The following SNX29 variants were observed in gnomAD, a reference collection of about 807,000 sequenced individuals.
The protein encoded by SNX29 is sorting nexin 29.
Under a neutral mutation model 102.1 loss-of-function variants are expected in SNX29, and 78 were observed. The ratio of observed to expected loss-of-function variants is 0.76; its 90% CI spans 0.64 to 0.92. The LOEUF (loss-of-function observed/expected upper bound fraction) is 0.92, where lower values mean the gene tolerates loss of function less well. Ranked by LOEUF, SNX29 falls within the 40% of genes least tolerant of loss-of-function variation. The probability of loss-of-function intolerance (pLI) is 0.00; values close to 1 mark genes in which losing one functional copy is unlikely to be tolerated. For synonymous variants in SNX29, 580 were observed against 414.5 expected (o/e 1.40, Z -4.85); for missense variants, 1,280 against 1,061.7 (o/e 1.21, Z -2.86).
chr16:12,554,862 A>G (rs1008024901), intron 20 of SNX29, among the ~76,000 whole-genome samples: 1 of 152,184 alleles, frequency 6.6e-6, no homozygotes, highest in Non-Finnish European at 1.5e-5. Context: ...TGCTCAGGAA[A>G]GAGGACAAAG....
chr16:12,287,321 A>T (rs2079631626), intron 15 of SNX29, among the ~76,000 whole-genome samples: 1 of 152,222 alleles, frequency 6.6e-6, no homozygotes, highest in South Asian at 2.1e-4. Flanking sequence ...TCCTTCCCTA[A>T]GGAAGGTCTC....
chr16:12,499,084 T>TA (rs1486592041), intron 19 of SNX29, among the ~76,000 whole-genome samples: 13 of 152,144 alleles, frequency 8.5e-5, no homozygotes, highest in African/African-American at 2.4e-4. Flanking sequence ...TCCTTCCCCT[T>TA]ATGCCCTCCG....
At chr16:12,032,450 C>T (rs1259827778) in intron 4 of SNX29, among the ~76,000 whole-genome samples, 1 of 151,928 alleles carries the variant, frequency 6.6e-6, no homozygotes, top group Non-Finnish European at 1.5e-5. Flanking sequence ...TTGTGATCCA[C>T]CCACCTCGGC....
intron 13 of SNX29, among the ~76,000 whole-genome samples, chr16:12,195,666 G>A (rs925680513): frequency 5.3e-5 from 8 of 152,152 alleles, no homozygotes; most frequent in East Asian, 1.9e-4. Flanking sequence ...AAGGCCTTAC[G>A]TTTTCAATGT....
rs1324676870 is a variant in SNX29 at position 12,215,941 on chromosome 16, GCA to G, written c.1678+16261_1678+16262del. ...TGCTGGCCCATCAGGAGTGGTGCGT[GCA>G]CAGTTGTGGGGCCTTGCTTTGGTGG... On this transcript the variant is annotated intron_variant, in intron 14 of 20. Transcript: ENST00000566228. Among the ~76,000 whole-genome samples the G allele has an allele frequency of 2.0e-5, 3 of 152,184 alleles. No individual in the cohort carries two copies. In the East Asian group the frequency reaches 5.8e-4, roughly 29 times the overall value.
chr16:12,085,540 T>C (rs1186394927), intron 11 of SNX29, among the ~76,000 whole-genome samples: 2 of 152,198 alleles, frequency 1.3e-5, no homozygotes, highest in African/African-American at 4.8e-5. Flanking sequence ...TTGGCTAGGC[T>C]GGTCTCAAAC....
intron 18 of SNX29, among the ~76,000 whole-genome samples, chr16:12,434,807 A>G (rs1250691479): frequency 1.3e-5 from 2 of 152,010 alleles, no homozygotes; most frequent in Admixed American, 6.6e-5. Flanking sequence ...AAAGGCTAGA[A>G]CGGGGGGATG....
chr16:12,178,792 A>T (rs1033033267), intron 13 of SNX29, among the ~76,000 whole-genome samples: 2 of 152,286 alleles, frequency 1.3e-5, no homozygotes, highest in Non-Finnish European at 2.9e-5. Flanking sequence ...ACAGTTGTGC[A>T]TGTGTGACTT....
Position 12,490,799 on chromosome 16 carries a change from C to T in SNX29, c.2178+12940C>T, listed in dbSNP as rs189330088. On this transcript the variant is annotated intron_variant, in intron 19 of 20. Coordinates refer to ENST00000566228, the MANE Select transcript of SNX29 (RefSeq NM_032167.5). ...ATTATTAGGAAATGTTTCAGGTGTG[C>T]CCTGGAATACACAGGAAAATGTAAT... Among the ~76,000 whole-genome samples the T allele has an allele frequency of 3.3e-3, 497 of 152,330 alleles. 3 individuals are homozygous for T. Among genetic ancestry groups the T allele is most frequent in the Non-Finnish European group, 5.4e-3 (366 of 68,036 alleles).
At chr16:12,347,442 G>A (rs1028357052) in intron 15 of SNX29, among the ~76,000 whole-genome samples, 2 of 152,114 alleles carry the variant, frequency 1.3e-5, no homozygotes, top group African/African-American at 4.8e-5. Flanking sequence ...AGACTCCAAA[G>A]ATGGGAGATG....
At chr16:12,072,476 A>C (rs2051347223) in intron 10 of SNX29, among the ~76,000 whole-genome samples, 1 of 152,020 alleles carries the variant, frequency 6.6e-6, no homozygotes. Context: ...ACATTTATTG[A>C]TTTGTGTATG....
At chr16:12,554,837 C>A (rs1196138233) in intron 20 of SNX29, among the ~76,000 whole-genome samples, 4 of 152,152 alleles carry the variant, frequency 2.6e-5, no homozygotes, top group Non-Finnish European at 4.4e-5. Context: ...GCCATTCTTT[C>A]CGTAGGTGCC....
intron 11 of SNX29, among the ~76,000 whole-genome samples, chr16:12,102,346 TC>T (rs1300246069): frequency 6.6e-6 from 1 of 152,232 alleles, no homozygotes; most frequent in African/African-American, 2.4e-5. Flanking sequence ...TGCCACACTG[TC>T]TTCCACAATG....
chr16:12,488,607 T>A (rs2088374178), intron 19 of SNX29, among the ~76,000 whole-genome samples: 1 of 152,182 alleles, frequency 6.6e-6, no homozygotes, highest in Non-Finnish European at 1.5e-5. Context: ...GCACCGGCTT[T>A]GCTGGGTGGT....
chr16:12,071,019 TG>T (rs1307310750), intron 10 of SNX29, among the ~76,000 whole-genome samples: 2 of 152,132 alleles, frequency 1.3e-5, no homozygotes, highest in East Asian at 3.9e-4. Flanking sequence ...TTGATGGGGT[TG>T]TTTTTTTCTT....
intron 20 of SNX29, among the ~76,000 whole-genome samples, chr16:12,532,103 C>G (rs1418148291): frequency 1.3e-5 from 2 of 152,194 alleles, no homozygotes; most frequent in African/African-American, 4.8e-5. Context: ...GAGACGTGGT[C>G]ACGATCTCAT....
At chr16:12,182,285 A>G (rs769481480) in intron 13 of SNX29, among the ~76,000 whole-genome samples, 5 of 149,934 alleles carry the variant, frequency 3.3e-5, no homozygotes, top group African/African-American at 9.9e-5. Context: ...CTAAACGGGC[A>G]TTTAAAATAA....
chr16:12,536,523 T>C (rs1050826547), intron 20 of SNX29, among the ~76,000 whole-genome samples: 9 of 152,144 alleles, frequency 5.9e-5, no homozygotes, highest in Non-Finnish European at 1.2e-4. Context: ...GCCTCTATTT[T>C]CCCCTCTGTA....
At chr16:12,275,003 C>T (rs548511569) in intron 14 of SNX29, among the ~76,000 whole-genome samples, 3 of 152,176 alleles carry the variant, frequency 2.0e-5, no homozygotes, top group African/African-American at 4.8e-5. Context: ...GTCTCTCTTT[C>T]CTGCAAGTTG....
Sources: allele counts gnomAD v4.1 joint callset (sites outside exome capture counted in the v4.1 genomes callset), GRCh38; gene constraint gnomAD v4.1.1; transcripts MANE v1.5; gene names NCBI Gene and HGNC (gene_info 2026-07-23, HGNC 2026-07-21).